RHPN2: variants seen among roughly 807,000 people sequenced by gnomAD.
RHPN2 encodes rhophilin Rho GTPase binding protein 2.
Under a neutral mutation model 79.0 loss-of-function variants are expected in RHPN2, and 40 were observed. The observed-to-expected ratio is 0.51, with a 90% confidence interval of 0.39 to 0.66. The LOEUF is 0.66. Ranked by LOEUF, RHPN2 falls within the 30% of genes least tolerant of loss-of-function variation. The pLI is 0.00. For missense variants in RHPN2, 686 were observed against 883.5 expected, an observed-to-expected ratio of 0.78 and a Z score of 2.83; for synonymous variants, 285 against 363.5, an observed-to-expected ratio of 0.78 and a Z score of 2.46.
In RHPN2 at chr19:33,044,366, T is replaced by C. The variant is rs1283126958; in HGVS notation, c.70-2A>G. The C allele has an allele frequency of 1.2e-6, 2 of 1,611,272 alleles. No homozygotes were observed. Among genetic ancestry groups the C allele is most frequent in the Non-Finnish European group, 1.7e-6 (2 of 1,177,474 alleles). ...GGTTTGTGCAAGGGGATTACAGCCC[T>C]GAGGAAAAATAAGAGATGCCCCTTC... On this transcript the variant is annotated splice_acceptor_variant, in intron 1 of 14. Transcript: ENST00000254260. LOFTEE classifies it high-confidence loss of function.
chr19:33,044,282 A>T lies in RHPN2; in HGVS notation c.152T>A (p.Val51Glu). 1 of 1,614,000 alleles carries T rather than the reference A, an allele frequency of 6.2e-7. No homozygotes were observed. The change falls in exon 2 of 15, where the codon GTG becomes GAG. Residue 51 changes from valine (V) to glutamate (E), a missense_variant. Coordinates refer to ENST00000254260, the MANE Select transcript of RHPN2 (RefSeq NM_033103.5). ...AALNQQILKA[V>E]RMRTGAENLL... The stretch of plus-strand genomic sequence containing the variant: ...GTTTTCCGCTCCGGTCCTCATCCGC[A>T]CGGCTTTCAGGATCTGCTGATTCAA...
chr19:32,985,080 C>A (rs1463771339), intron 14 of RHPN2, among the ~76,000 whole-genome samples: 1 of 151,862 alleles, frequency 6.6e-6, no homozygotes, highest in Non-Finnish European at 1.5e-5. Flanking sequence ...CTCACTGCAA[C>A]CTCTGCCTCC....
chr19:33,041,090 G>T (rs1365134484), intron 2 of RHPN2, among the ~76,000 whole-genome samples: 1 of 152,154 alleles, frequency 6.6e-6, no homozygotes, highest in African/African-American at 2.4e-5. Context: ...CATAAAATCT[G>T]GTTTTTCAAG....
chr19:33,005,245 C>T (rs575753950), intron 7 of RHPN2, among the ~76,000 whole-genome samples: 1 of 151,732 alleles, frequency 6.6e-6, no homozygotes, highest in African/African-American at 2.4e-5. Context: ...AAAAGCCCAT[C>T]TCTACCAAAA....
chr19:33,031,421 G>A (rs1031641014), intron 2 of RHPN2, among the ~76,000 whole-genome samples: 1 of 151,730 alleles, frequency 6.6e-6, no homozygotes, highest in South Asian at 2.1e-4. Flanking sequence ...CACCACACCC[G>A]GCTAATTTTT....
chr19:33,029,671 G>A (rs1022193209), intron 2 of RHPN2, among the ~76,000 whole-genome samples: 3 of 152,168 alleles, frequency 2.0e-5, no homozygotes, highest in African/African-American at 7.2e-5. Flanking sequence ...GCTAAAGCAG[G>A]TTGACATCCA....
intron 2 of RHPN2, among the ~76,000 whole-genome samples, chr19:33,040,012 C>T (rs1181341944): frequency 2.6e-5 from 4 of 151,958 alleles, no homozygotes; most frequent in African/African-American, 9.7e-5. Flanking sequence ...ACCACAGTCC[C>T]CACCACTCCC....
At chr19:32,982,090 G>A (rs1043894769) in intron 14 of RHPN2, among the ~76,000 whole-genome samples, 2 of 152,122 alleles carry the variant, frequency 1.3e-5, no homozygotes, top group African/African-American at 4.8e-5. Context: ...CGCTGCAATA[G>A]TTGAGGACAT....
At chr19:32,998,950 G>A (rs1478812098) in intron 10 of RHPN2, among the ~76,000 whole-genome samples, 3 of 120,946 alleles carry the variant, frequency 2.5e-5, no homozygotes, top group Non-Finnish European at 3.4e-5. Context: ...GGAGAGGAGA[G>A]AACAGGAGAG....
chr19:32,998,763 A>C (rs1211901841), intron 10 of RHPN2, among the ~76,000 whole-genome samples: 1 of 139,612 alleles, frequency 7.2e-6, no homozygotes, highest in Admixed American at 7.3e-5. Context: ...GGGAGAGAAA[A>C]GGAAAGCAAC....
intron 1 of RHPN2, among the ~76,000 whole-genome samples, chr19:33,053,248 C>T (rs1353244219): frequency 6.6e-6 from 1 of 151,874 alleles, no homozygotes; most frequent in East Asian, 1.9e-4. Flanking sequence ...CTCAGCCTCC[C>T]AAAGTGTTAG....
At chr19:33,005,256 A>T (rs544453034) in intron 7 of RHPN2, among the ~76,000 whole-genome samples, 3 of 151,566 alleles carry the variant, frequency 2.0e-5, no homozygotes, top group African/African-American at 7.3e-5. Flanking sequence ...TCTACCAAAA[A>T]TACAAAATTA....
chr19:33,012,885 G>GTT (rs1002997727), intron 4 of RHPN2, among the ~76,000 whole-genome samples, 161 bp from the exon 5 acceptor site: 1 of 151,920 alleles, frequency 6.6e-6, no homozygotes, highest in Non-Finnish European at 1.5e-5. Flanking sequence ...AATTTATGTA[G>GTT]TTTTTTTTAA....
intron 9 of RHPN2, 140 bp downstream of exon 9, chr19:33,002,107 A>C: frequency 9.6e-7 from 1 of 1,038,640 alleles, no homozygotes; most frequent in Admixed American, 2.0e-5. Context: ...CAGCTGCCTC[A>C]GTCATGGGTC....
At chr19:33,010,435 T>A (rs1327942525) in intron 6 of RHPN2, among the ~76,000 whole-genome samples, 2 of 149,684 alleles carry the variant, frequency 1.3e-5, no homozygotes. Flanking sequence ...CAGGCTGGAG[T>A]GCAGTGGTGT....
intron 4 of RHPN2, among the ~76,000 whole-genome samples, chr19:33,020,657 G>A (rs1226902709): frequency 2.0e-5 from 3 of 151,990 alleles, no homozygotes; most frequent in African/African-American, 7.2e-5. Context: ...GCACCACCAC[G>A]TCCAGCTAAT....
At chr19:33,021,899 C>T (rs995536671) in intron 3 of RHPN2, among the ~76,000 whole-genome samples, 3 of 152,110 alleles carry the variant, frequency 2.0e-5, no homozygotes, top group Non-Finnish European at 4.4e-5. Flanking sequence ...CATCTTGACA[C>T]TGATTTATCT....
In RHPN2 at chr19:32,991,805, A is replaced by C. The variant is rs1398991173; in HGVS notation, c.1644+18T>G. On this transcript the variant is annotated intron_variant, in intron 13 of 14. Transcript: ENST00000254260. ...AGATATCTGTGTTTGCTGCCAATCA[A>C]GAAAAGCATGTGCTTACCGAGGCAG... 6.2e-7 allele frequency: 1 copy of C among 1,613,874 alleles called. No individual in the cohort carries two copies. Among genetic ancestry groups the C allele is most frequent in the Admixed American group, 1.7e-5 (1 of 59,990 alleles).
chr19:33,040,200 A>C (rs903744013), intron 2 of RHPN2, among the ~76,000 whole-genome samples: 1 of 149,830 alleles, frequency 6.7e-6, no homozygotes, highest in African/African-American at 2.5e-5. Flanking sequence ...AGAACTAGTT[A>C]GCTAAAACTA....
Sources: allele counts gnomAD v4.1 joint callset (sites outside exome capture counted in the v4.1 genomes callset), GRCh38; gene constraint gnomAD v4.1.1; transcripts MANE v1.5; gene names NCBI Gene and HGNC (gene_info 2026-07-23, HGNC 2026-07-21).